The following ANTXR2 variants were observed in gnomAD, a reference collection of about 807,000 sequenced individuals.
ANTXR2 encodes the protein ANTXR cell adhesion molecule 2, also known as anthrax toxin receptor 2.
ANTXR2 carries 44 observed loss-of-function variants against 73.7 expected under a neutral mutation model. That is an observed-to-expected ratio of 0.60 (90% CI 0.47 to 0.77). The LOEUF (loss-of-function observed/expected upper bound fraction) is 0.77. ANTXR2 is among the 30% of genes least tolerant of loss of function. The probability of loss-of-function intolerance (pLI) is 0.00; values close to 1 mark genes in which losing one functional copy is unlikely to be tolerated. For missense variants in ANTXR2, 604 were observed against 592.5 expected, an observed-to-expected ratio of 1.02 and a Z score of -0.20; for synonymous variants, 217 against 205.9, an observed-to-expected ratio of 1.05 and a Z score of -0.46.
chr4:80,011,467 C>A (rs993146033), intron 11 of ANTXR2, among the ~76,000 whole-genome samples: 14 of 152,094 alleles, frequency 9.2e-5, no homozygotes, highest in Non-Finnish European at 1.5e-4. Flanking sequence ...TTTTGTAAGA[C>A]CCTGGCAAGC....
chr4:80,036,673 C>T lies in ANTXR2; in HGVS notation c.637-641G>A, dbSNP rs532583362. Among the ~76,000 whole-genome samples, 40 of 152,012 alleles carry T rather than the reference C, an allele frequency of 2.6e-4. No individual in the cohort carries two copies. In the South Asian group the frequency reaches 3.7e-3, roughly 14 times the overall value. ...AAAATGAGCCAGGTATGGTGGCTCG[C>T]GCCTGTAATCCCAGCTACTCGGGAG... On this transcript the variant is annotated intron_variant, in intron 7 of 16. Coordinates refer to ENST00000403729, the MANE Select transcript of ANTXR2 (RefSeq NM_058172.6).
intron 16 of ANTXR2, among the ~76,000 whole-genome samples, chr4:79,957,376 A>G (rs1039696941): frequency 6.6e-6 from 1 of 152,132 alleles, no homozygotes; most frequent in African/African-American, 2.4e-5. Flanking sequence ...TTTCATTTGT[A>G]TGTTTTCCTA....
intron 3 of ANTXR2, among the ~76,000 whole-genome samples, chr4:80,062,639 T>C (rs1257774186): frequency 6.6e-6 from 1 of 152,194 alleles, no homozygotes; most frequent in Non-Finnish European, 1.5e-5. Flanking sequence ...ACCCAACTAT[T>C]GTCTCATCTT....
intron 12 of ANTXR2, among the ~76,000 whole-genome samples, chr4:79,986,346 AAC>A (rs1212034347): frequency 1.3e-5 from 2 of 152,192 alleles, no homozygotes; most frequent in Non-Finnish European, 2.9e-5. Flanking sequence ...AAAGGTTTAA[AAC>A]AATAGCAACT....
rs768574744 is a variant in ANTXR2, at chr4:80,069,441, T to A, written c.291A>T (p.Gly97=). ...TGAAATGATAATGCACTAACCTGTC[T>A]CCAGTTAATGGCAAAATAATAGTTG... ...SQATIILPLT[G]DRGKISKGLE... is the part of the protein sequence containing the mutation. The change falls in exon 3 of 17, where the codon GGA becomes GGT. Residue 97 remains glycine, a synonymous_variant. Coordinates refer to ENST00000403729, the MANE Select transcript of ANTXR2 (RefSeq NM_058172.6). 2 of 1,592,532 alleles carry A rather than the reference T, an allele frequency of 1.3e-6. No individual in the cohort carries two copies. The highest frequency in any genetic ancestry group is 1.7e-6 in the Non-Finnish European group (2 of 1,163,840).
chr4:80,013,446 T>A (rs1731693006), intron 11 of ANTXR2, among the ~76,000 whole-genome samples: 1 of 152,190 alleles, frequency 6.6e-6, no homozygotes, highest in East Asian at 1.9e-4. Context: ...GACTGAGCCC[T>A]GGATGTTCCT....
At chr4:79,914,627 A>T (rs1727276571) in intron 16 of ANTXR2, among the ~76,000 whole-genome samples, 1 of 152,076 alleles carries the variant, frequency 6.6e-6, no homozygotes, top group African/African-American at 2.4e-5. Flanking sequence ...TTAATGAGGT[A>T]CTCTGTAGAT....
intron 2 of ANTXR2, among the ~76,000 whole-genome samples, chr4:80,071,268 AT>A (rs35841235): frequency 0.63 from 96,283 of 152,068 alleles, 31,905 homozygotes; most frequent in Non-Finnish European, 0.75. Context: ...CATAAAATTT[AT>A]TTTTTTAATG....
chr4:80,052,263 G>A (rs189320401), intron 7 of ANTXR2, among the ~76,000 whole-genome samples: 1 of 151,482 alleles, frequency 6.6e-6, no homozygotes, highest in Non-Finnish European at 1.5e-5. Context: ...TTGTTTTAAA[G>A]ATCTAATAGA....
chr4:79,907,604 ATT>A (rs375169628), intron 16 of ANTXR2, 137 bp from the exon 17 acceptor site: 1 of 911,636 alleles, frequency 1.1e-6, no homozygotes. Context: ...TGAAGTCATA[ATT>A]TTTTTTTCTT....
intron 3 of ANTXR2, among the ~76,000 whole-genome samples, chr4:80,062,753 C>T (rs1041325567): frequency 1.3e-5 from 2 of 152,128 alleles, no homozygotes; most frequent in Non-Finnish European, 2.9e-5. Flanking sequence ...AAGGAGAACC[C>T]AGAGAGTGTG....
intron 2 of ANTXR2, 75 bp from the exon 3 acceptor site, chr4:80,069,582 G>T: frequency 8.2e-7 from 1 of 1,215,052 alleles, no homozygotes; most frequent in Non-Finnish European, 1.2e-6. Flanking sequence ...TATAGTTAGG[G>T]AGGTTCATTT....
intron 16 of ANTXR2, among the ~76,000 whole-genome samples, chr4:79,962,109 A>C (rs1360822468): frequency 6.6e-6 from 1 of 152,208 alleles, no homozygotes; most frequent in East Asian, 1.9e-4. Context: ...GCCAACTTAT[A>C]TACCTAATTA....
Position 79,990,389 on chromosome 4 carries a change from A to AAAAC in ANTXR2, c.1042-5527_1042-5526insGTTT, listed in dbSNP as rs967172676. Among the ~76,000 whole-genome samples the AAAAC allele has an allele frequency of 1.3e-4, 20 of 150,286 alleles. 1 individual carries two copies. The highest frequency in any genetic ancestry group is 4.6e-4 in the African/African-American group (19 of 41,348). ...AATTCAATAACAACAGTTACAAAAA[A>AAAAC]AAAAAAAAAAAAACACCTTGTAATA... On this transcript the variant is annotated intron_variant, in intron 12 of 16. Transcript: ENST00000403729.
chr4:80,056,832 C>A (rs538960245), intron 3 of ANTXR2, among the ~76,000 whole-genome samples: 9 of 151,750 alleles, frequency 5.9e-5, no homozygotes, highest in Non-Finnish European at 1.3e-4. Flanking sequence ...TTATGTGTAT[C>A]AGTTAAGGGA....
At chr4:79,907,529 C>T in intron 16 of ANTXR2, 62 bp from the exon 17 acceptor site, 11 of 1,506,950 alleles carry the variant, frequency 7.3e-6, no homozygotes, top group Non-Finnish European at 1.0e-5. Context: ...AGCATGAGAA[C>T]ATCTAGTTTT....
At chr4:80,019,988 A>G (rs946339025) in intron 10 of ANTXR2, among the ~76,000 whole-genome samples, 11 of 152,266 alleles carry the variant, frequency 7.2e-5, no homozygotes, top group South Asian at 4.1e-4. Flanking sequence ...ATCAAAAGGG[A>G]AAAAAATGAC....
chr4:79,981,413 T>C (rs1198251847), intron 14 of ANTXR2, among the ~76,000 whole-genome samples: 1 of 152,198 alleles, frequency 6.6e-6, no homozygotes, highest in Admixed American at 6.5e-5. Context: ...TTAAAATTCA[T>C]TTATGCTTGT....
intron 9 of ANTXR2, among the ~76,000 whole-genome samples, chr4:80,032,656 A>T (rs1321255051): frequency 6.6e-6 from 1 of 151,892 alleles, no homozygotes; most frequent in African/African-American, 2.4e-5. Context: ...CTAAAAAAAT[A>T]ACTCTACCAG....
Sources: gnomAD v4.1 joint callset for allele counts (sites outside exome capture counted in the v4.1 genomes callset) on GRCh38, gnomAD v4.1.1 for gene constraint, MANE v1.5 for transcripts, NCBI Gene and HGNC (gene_info 2026-07-23, HGNC 2026-07-21) for gene names.